The following CTDP1 variants were observed in gnomAD, a reference collection of about 807,000 sequenced individuals.
The protein encoded by CTDP1 is CTD phosphatase 1, also known as RNA polymerase II subunit A C-terminal domain phosphatase.
A neutral mutation model predicts 91.8 loss-of-function variants in CTDP1; 47 were observed. The ratio of observed to expected loss-of-function variants is 0.51; its 90% confidence interval spans 0.41 to 0.65. The LOEUF (loss-of-function observed/expected upper bound fraction) is 0.65. Ranked by LOEUF, CTDP1 falls within the 30% of genes least tolerant of loss-of-function variation. CTDP1 has a pLI of 0.00. For missense variants in CTDP1, 1,272 were observed against 1,373.7 expected, an observed-to-expected ratio of 0.93 and a Z score of 1.17; for synonymous variants, 656 against 598.5, an observed-to-expected ratio of 1.10 and a Z score of -1.40.
rs191722028 is a variant in CTDP1, at chr18:79,733,532, G to A, written c.2581-2823G>A. ...GCTGCCTCTGCAGCTGCGTTACCTC[G>A]TTCCTGCCTGTTCTGCTGGGCCCCA... On this transcript the variant is annotated intron_variant, in intron 11 of 12. Transcript: ENST00000613122. 1.5e-3 allele frequency among the ~76,000 whole-genome samples: 227 copies of A among 151,856 alleles called. 1 individual carries two copies. Among genetic ancestry groups the A allele is most frequent in the African/African-American group, 5.1e-3 (211 of 41,436 alleles).
chr18:79,720,887 G>A (rs1464897307), intron 10 of CTDP1, among the ~76,000 whole-genome samples: 1 of 152,154 alleles, frequency 6.6e-6, no homozygotes. Context: ...AGTGTTGGGG[G>A]TCCCCACACA....
intron 11 of CTDP1, 161 bp from the exon 12 acceptor site, chr18:79,736,194 T>C: frequency 1.2e-6 from 1 of 866,210 alleles, no homozygotes. Context: ...TTGTTAAGGA[T>C]TGGTTGAGTT....
chr18:79,736,200 G>T (rs2086663505), intron 11 of CTDP1, 155 bp from the exon 12 acceptor site: 8 of 931,552 alleles, frequency 8.6e-6, no homozygotes, highest in Non-Finnish European at 1.2e-5. Context: ...AGGATTGGTT[G>T]AGTTTCAAGC....
At chr18:79,731,407 C>T (rs1279392782) in intron 11 of CTDP1, among the ~76,000 whole-genome samples, 1 of 152,190 alleles carries the variant, frequency 6.6e-6, no homozygotes, top group Non-Finnish European at 1.5e-5. Flanking sequence ...CTGCTCCCAC[C>T]CACACTGACA....
intron 8 of CTDP1, among the ~76,000 whole-genome samples, chr18:79,716,788 T>A (rs1330631668): frequency 6.6e-6 from 1 of 152,258 alleles, no homozygotes; most frequent in Admixed American, 6.5e-5. Flanking sequence ...TCCTTTTTGC[T>A]TCTGTGTACG....
intron 10 of CTDP1, 42 bp downstream of exon 10, chr18:79,718,058 C>T (rs767688414): frequency 2.5e-6 from 4 of 1,605,968 alleles, no homozygotes; most frequent in Non-Finnish European, 3.4e-6. Context: ...AATGAGGGCT[C>T]TTCAAGCTTG....
intron 12 of CTDP1, among the ~76,000 whole-genome samples, chr18:79,739,065 C>G (rs1334341708): frequency 6.6e-6 from 1 of 152,200 alleles, no homozygotes; most frequent in African/African-American, 2.4e-5. Flanking sequence ...TTCCACTGCC[C>G]TCCCCTGAAG....
rs551300288 is a variant in CTDP1 at position 79,736,132 on chromosome 18, C to A, written c.2581-223C>A. ...GGAATTTAAACCCAATCTTTGCCTG[C>A]GAACCGACTGGGTTTGCTCTGTGGA... On this transcript the variant is annotated intron_variant, in intron 11 of 12. Transcript: ENST00000613122. 120 of 602,274 alleles carry A rather than the reference C, an allele frequency of 2.0e-4. No individual in the cohort carries two copies. The East Asian group carries it at 3.4e-3, about 17-fold the overall frequency. The allele number at this position is 602,274 out of a possible 1,614,324, so 37.3% of individuals were successfully genotyped here.
At chr18:79,736,943 G>A (rs1454089752) in intron 12 of CTDP1, among the ~76,000 whole-genome samples, 4 of 152,036 alleles carry the variant, frequency 2.6e-5, no homozygotes, top group Non-Finnish European at 5.9e-5. Context: ...CATGTACGGG[G>A]TCTGTATGTG....
chr18:79,735,413 A>G (rs1020484588), intron 11 of CTDP1, among the ~76,000 whole-genome samples: 5 of 152,178 alleles, frequency 3.3e-5, no homozygotes, highest in African/African-American at 1.2e-4. Flanking sequence ...GAGAGCTGTG[A>G]GCGGGGCCGT....
At position 79,713,074 on chromosome 18, in the gene CTDP1, CT is replaced by C. The variant is rs776676633; in HGVS notation, c.968del (p.Phe323SerfsTer7). ...NLITVKKYVYFQGTGDMNAPP... is the reference protein window; with the variant it reads ...NLITVKKYVYXQGTGDMNAPP... ...TGATAACTGTGAAGAAATATGTATA[CT>C]TCCAGGGCACGGGTGATATGAATGC... On this transcript the variant is annotated frameshift_variant, in exon 7 of 13. Transcript: ENST00000613122. LOFTEE classifies it high-confidence loss of function. The surrounding 1 kb of genome is among the most constrained non-coding windows in gnomAD (Gnocchi z 4.7). The C allele has an allele frequency of 6.2e-7, 1 of 1,614,144 alleles. No individual in the cohort carries two copies. The highest frequency in any genetic ancestry group is 1.7e-5 in the Admixed American group (1 of 60,028).
intron 12 of CTDP1, among the ~76,000 whole-genome samples, chr18:79,746,474 C>T (rs2086885101): frequency 6.6e-6 from 1 of 152,262 alleles, no homozygotes; most frequent in South Asian, 2.1e-4. Flanking sequence ...GTTCTCCCTT[C>T]ACATAGCACG....
At chr18:79,743,864 C>T (rs2086830043) in intron 12 of CTDP1, among the ~76,000 whole-genome samples, 1 of 152,202 alleles carries the variant, frequency 6.6e-6, no homozygotes, top group Non-Finnish European at 1.5e-5. Context: ...TTGGGCCCCA[C>T]CATCATGAAA....
In CTDP1 at chr18:79,714,503, G is replaced by A. The variant is rs755974012; in HGVS notation, c.1043G>A (p.Arg348Gln). The A allele has an allele frequency of 1.8e-5, 29 of 1,612,920 alleles. No individual in the cohort carries two copies. Among genetic ancestry groups the A allele is most frequent in the Middle Eastern group, 1.6e-4 (1 of 6,084 alleles). ...CATGCATATTTAGTAAATCATTCTC[G>A]AGGCACTGAGGTCTCAGAGCCATCT... is the stretch of plus-strand genomic sequence containing the variant. ...SQTRKKVNHS[R>Q]GTEVSEPSPP... Residue 348 changes from arginine (R) to glutamine (Q), a missense_variant, in exon 8 of 13, where the codon CGA becomes CAA. Arg to Gln is a conservative substitution (Grantham distance 43, BLOSUM62 1). Around this residue, in one of 3 missense-constraint regions of CTDP1, gnomAD observed 881 missense variants for 911.6 expected, o/e 0.97. Transcript: ENST00000613122.
chr18:79,718,164 C>T (rs2086260800), intron 10 of CTDP1, 148 bp downstream of exon 10: 1 of 934,352 alleles, frequency 1.1e-6, no homozygotes, highest in South Asian at 1.4e-5. Context: ...TGTGGGAGCG[C>T]CGCCCCCGCT....
In CTDP1 at chr18:79,680,266, G is replaced by C; in HGVS notation, c.314+5G>C. On this transcript the variant is annotated splice_donor_5th_base_variant and intron_variant, in intron 1 of 12. Coordinates refer to ENST00000613122, the MANE Select transcript of CTDP1 (RefSeq NM_004715.5). ...GGGCCAGGTGGTCGCCCCAGGGTGA[G>C]TGTGCTGAGCCGGGCGGGGCCGAGG... The C allele has an allele frequency of 3.9e-6, 5 of 1,282,814 alleles. No homozygotes were observed. The highest frequency in any genetic ancestry group is 4.9e-6 in the Non-Finnish European group (5 of 1,018,540). 79.5% of individuals were successfully genotyped at this position (1,282,814 alleles called of 1,614,324 possible).
At chr18:79,721,524 G>A (rs1293323368) in intron 10 of CTDP1, among the ~76,000 whole-genome samples, 1 of 152,220 alleles carries the variant, frequency 6.6e-6, no homozygotes, top group East Asian at 1.9e-4. Flanking sequence ...TCGAAATTAT[G>A]TGATAATTTA....
Position 79,707,862 on chromosome 18 carries a change from A to G in CTDP1, c.773-2484A>G, listed in dbSNP as rs1358494634. 2.6e-5 allele frequency among the ~76,000 whole-genome samples: 4 copies of G among 152,192 alleles called. No individual in the cohort carries two copies. The South Asian group carries it at 8.3e-4, about 32-fold the overall frequency. ...TCTGCTTTTGATGCTTTTCATTTTG[A>G]AAGTGACCGTGTTGATAGCATGCGT... On this transcript the variant is annotated intron_variant, in intron 5 of 12. Coordinates refer to ENST00000613122, the MANE Select transcript of CTDP1 (RefSeq NM_004715.5).
chr18:79,754,537 C>T (rs1258871090), downstream of CTDP1: 5 of 152,610 alleles, frequency 3.3e-5, no homozygotes, highest in Non-Finnish European at 7.3e-5. Context: ...CAGCGGTGAG[C>T]ACCCGCCTCC....
Sources: gnomAD v4.1 joint callset for allele counts (sites outside exome capture counted in the v4.1 genomes callset) on GRCh38, gnomAD v4.1.1 for gene constraint, gnomAD v4.1.1 regional missense constraint, Gnocchi (gnomAD v3.1) non-coding constraint, MANE v1.5 for transcripts, NCBI Gene and HGNC (gene_info 2026-07-23, HGNC 2026-07-21) for gene names.